The following SERPING1 variants were observed in gnomAD, a reference collection of about 807,000 sequenced individuals.
SERPING1 encodes the protein serpin family G member 1.
A neutral mutation model predicts 34.1 loss-of-function variants in SERPING1; 5 were observed. The ratio of observed to expected loss-of-function variants is 0.15; its 90% CI spans 0.08 to 0.31. The LOEUF is 0.31. SERPING1 is among the 10% of genes least tolerant of loss of function. The pLI is 1.00. For missense variants in SERPING1, 505 were observed against 609.5 expected, an observed-to-expected ratio of 0.83 and a Z score of 1.81; for synonymous variants, 225 against 242.4, an observed-to-expected ratio of 0.93 and a Z score of 0.67.
chr11:57,612,977 G>C (rs1349973597), intron 7 of SERPING1, among the ~76,000 whole-genome samples: 1 of 151,764 alleles, frequency 6.6e-6, no homozygotes, highest in Non-Finnish European at 1.5e-5. Flanking sequence ...GAACTCCTGG[G>C]CTCAAGTGAT....
intron 6 of SERPING1, among the ~76,000 whole-genome samples, chr11:57,610,201 A>G (rs1945463028): frequency 6.6e-6 from 1 of 152,168 alleles, no homozygotes; most frequent in South Asian, 2.1e-4. Flanking sequence ...TGAACTTAAC[A>G]CCTGGTTTTA....
At chr11:57,604,676 A>G (rs2135315333) in intron 4 of SERPING1, among the ~76,000 whole-genome samples, 1 of 152,032 alleles carries the variant, frequency 6.6e-6, no homozygotes, top group South Asian at 2.1e-4. Context: ...ACTTTTTTTT[A>G]AGCTGTTTTT....
At chr11:57,611,422 G>C (rs539883185) in intron 6 of SERPING1, 1 of 486,042 alleles carries the variant, frequency 2.1e-6, no homozygotes, top group South Asian at 2.1e-5. Context: ...GAAGGGAACA[G>C]CGCTCAGAGA....
chr11:57,603,339 C>T (rs1165710088), intron 4 of SERPING1, among the ~76,000 whole-genome samples: 1 of 151,192 alleles, frequency 6.6e-6, no homozygotes, highest in Non-Finnish European at 1.5e-5. Context: ...GTCAGGAGTT[C>T]GAGACCAGTC....
At chr11:57,600,474 G>A in intron 3 of SERPING1, 97 bp downstream of exon 3, 1 of 1,424,450 alleles carries the variant, frequency 7.0e-7, no homozygotes, top group Non-Finnish European at 9.9e-7. Context: ...CTGGGAAGAA[G>A]CTGTAAAAAT....
At chr11:57,599,422 C>A (rs1316373273) in intron 2 of SERPING1, among the ~76,000 whole-genome samples, 2 of 152,146 alleles carry the variant, frequency 1.3e-5, no homozygotes, top group African/African-American at 4.8e-5. Context: ...TGTTTTTCCA[C>A]ACCCACTAAT....
rs780052213 is a variant in SERPING1, at chr11:57,614,587, G to A, written c.*6G>A. On this transcript the variant is annotated 3_prime_UTR_variant, in exon 8 of 8. Transcript: ENST00000278407. ...TATATGACCCCAGGGCCTGAGACCTGCAGGATCAGGTTAGGGCGAGCGCTA... is the reference window on the plus strand; with the variant it reads ...TATATGACCCCAGGGCCTGAGACCTACAGGATCAGGTTAGGGCGAGCGCTA... 1.2e-6 allele frequency: 2 copies of A among 1,613,096 alleles called. No individual in the cohort carries two copies. Among genetic ancestry groups the A allele is most frequent in the Non-Finnish European group, 1.7e-6 (2 of 1,179,956 alleles).
Position 57,600,421 on chromosome 11 carries a change from TC to T in SERPING1, c.550+47del, listed in dbSNP as rs1318135612. On this transcript the variant is annotated intron_variant, in intron 3 of 7. Coordinates refer to ENST00000278407, the MANE Select transcript of SERPING1 (RefSeq NM_000062.3). Reference sequence around the variant, plus strand: ...TCTCTCCAGGTCATTTGTTGGACACTCCCATAAGAGTCACCAATCCAGACAC... The same window carrying T: ...TCTCTCCAGGTCATTTGTTGGACACTCCATAAGAGTCACCAATCCAGACAC... The T allele has an allele frequency of 1.9e-6, 3 of 1,608,046 alleles. No homozygotes were observed. The Admixed American group carries it at 5.0e-5, about 27-fold the overall frequency.
chr11:57,602,411 C>G (rs1044913221), intron 4 of SERPING1, among the ~76,000 whole-genome samples: 3 of 152,120 alleles, frequency 2.0e-5, no homozygotes, highest in Admixed American at 6.6e-5. Context: ...TAAAAATAAC[C>G]GGGCAGGTAC....
chr11:57,600,199 A>G lies in SERPING1; in HGVS notation c.372A>G (p.Pro124=). ...PTQPTTGSFC[P]GPVTLCSDLE... is the part of the protein sequence containing the mutation. ...AGCCCACTACTGGGTCCTTCTGCCC[A>G]GGACCTGTTACTCTCTGCTCTGACT... The change falls in exon 3 of 8, where the codon CCA becomes CCG. Residue 124 remains proline, a synonymous_variant. Coordinates refer to ENST00000278407, the MANE Select transcript of SERPING1 (RefSeq NM_000062.3). The G allele has an allele frequency of 6.3e-7, 1 of 1,578,400 alleles. No homozygotes were observed. Among genetic ancestry groups the G allele is most frequent in the Non-Finnish European group, 8.6e-7 (1 of 1,162,302 alleles).
Position 57,604,145 on chromosome 11 carries a change from AAAAG to A in SERPING1, c.686-1862_686-1859del, listed in dbSNP as rs1230995126. Among the ~76,000 whole-genome samples the A allele has an allele frequency of 4.2e-4, 64 of 152,104 alleles. 1 individual carries two copies. The South Asian group carries it at 0.01, about 24-fold the overall frequency. On this transcript the variant is annotated intron_variant, in intron 4 of 7. Coordinates refer to ENST00000278407, the MANE Select transcript of SERPING1 (RefSeq NM_000062.3). ...AGACTCTGTCTCAAAAAAAAAAAAA[AAAAG>A]AAGAATACCCATATGCATTCATTAA...
chr11:57,601,602 C>A (rs1945348289), intron 3 of SERPING1, among the ~76,000 whole-genome samples: 1 of 152,020 alleles, frequency 6.6e-6, no homozygotes, highest in African/African-American at 2.4e-5. Flanking sequence ...TCTTTCTTGG[C>A]TGGGCACGGT....
chr11:57,610,431 C>G (rs1303231608), intron 6 of SERPING1, among the ~76,000 whole-genome samples: 1 of 152,172 alleles, frequency 6.6e-6, no homozygotes, highest in Non-Finnish European at 1.5e-5. Context: ...ATGAGTATAT[C>G]CAACTTGAGT....
intron 4 of SERPING1, among the ~76,000 whole-genome samples, chr11:57,605,066 CCT>C (rs967342240): frequency 1.3e-5 from 2 of 151,856 alleles, no homozygotes; most frequent in Non-Finnish European, 2.9e-5. Context: ...TGAAAAACAC[CCT>C]CTTTCAGATG....
At chr11:57,603,813 T>C (rs1221227944) in intron 4 of SERPING1, among the ~76,000 whole-genome samples, 2 of 128,580 alleles carry the variant, frequency 1.6e-5, no homozygotes, top group Non-Finnish European at 3.2e-5. Flanking sequence ...CACTCCAGCC[T>C]GGGCAACAGA....
chr11:57,613,852 C>G (rs1187569775), intron 7 of SERPING1, among the ~76,000 whole-genome samples: 1 of 151,996 alleles, frequency 6.6e-6, no homozygotes, highest in Non-Finnish European at 1.5e-5. Flanking sequence ...AAAGGCATTC[C>G]TATGACCCAG....
rs1304088976 is a variant in SERPING1, at chr11:57,600,247, C to T, written c.420C>T (p.Ala140=). 24 of 1,614,114 alleles carry T rather than the reference C, an allele frequency of 1.5e-5. No individual in the cohort carries two copies. Among genetic ancestry groups the T allele is most frequent in the Middle Eastern group, 1.7e-4 (1 of 6,058 alleles). ...ACTTGGAGAGTCATTCAACAGAGGCCGTGTTGGGGGATGCTTTGGTAGATT... is the reference window on the plus strand; with the variant it reads ...ACTTGGAGAGTCATTCAACAGAGGCTGTGTTGGGGGATGCTTTGGTAGATT... The part of the protein sequence containing the change: ...CSDLESHSTE[A]VLGDALVDFS... Residue 140 remains alanine, a synonymous_variant, in exon 3 of 8, where the codon GCC becomes GCT. Coordinates refer to ENST00000278407, the MANE Select transcript of SERPING1 (RefSeq NM_000062.3).
At chr11:57,608,060 CT>C (rs775275290) in intron 6 of SERPING1, among the ~76,000 whole-genome samples, 1 of 152,170 alleles carries the variant, frequency 6.6e-6, no homozygotes, top group Non-Finnish European at 1.5e-5. Context: ...CCATTCATGA[CT>C]CATTTAGCAG....
chr11:57,614,541 T>C lies in SERPING1; in HGVS notation c.1463T>C (p.Phe488Ser). 1 of 1,613,996 alleles carries C rather than the reference T, an allele frequency of 6.2e-7. No individual in the cohort carries two copies. Among genetic ancestry groups the C allele is most frequent in the Non-Finnish European group, 8.5e-7 (1 of 1,179,970 alleles). ...GTGCTCTGGGACCAGCAGCACAAGT[T>C]CCCTGTCTTCATGGGGCGAGTATAT... ...LFVLWDQQHK[F>S]PVFMGRVYDP... Residue 488 changes from phenylalanine to serine, a missense_variant, in exon 8 of 8, where the codon TTC becomes TCC. Physicochemically the swap from Phe to Ser is radical, Grantham distance 155. Transcript: ENST00000278407.
Sources: allele counts gnomAD v4.1 joint callset (sites outside exome capture counted in the v4.1 genomes callset), GRCh38; gene constraint gnomAD v4.1.1; transcripts MANE v1.5; gene names NCBI Gene and HGNC (gene_info 2026-07-23, HGNC 2026-07-21).